Variants in THSD4 observed in about 807,000 individuals in gnomAD.
THSD4 encodes thrombospondin type 1 domain containing 4.
Under a neutral mutation model 119.0 loss-of-function variants are expected in THSD4, and 69 were observed. The observed-to-expected ratio is 0.58, with a 90% CI of 0.48 to 0.71. The LOEUF is 0.71. Among genes scored for constraint, THSD4 ranks in the 30% least tolerant of loss-of-function variants. The pLI is 0.00. For missense variants in THSD4, 1,393 were observed against 1,391.1 expected (o/e 1.00, Z -0.02); for synonymous variants, 524 against 540.4 (o/e 0.97, Z 0.42).
At chr15:71,346,908 C>G (rs1275674835) in intron 6 of THSD4, among the ~76,000 whole-genome samples, 1 of 112,102 alleles carries the variant, frequency 8.9e-6, no homozygotes, top group African/African-American at 3.5e-5. Flanking sequence ...GAGTCTCACT[C>G]TGTTGCCCAG....
chr15:71,353,632 C>G (rs1046481076), intron 6 of THSD4, among the ~76,000 whole-genome samples: 2 of 152,180 alleles, frequency 1.3e-5, no homozygotes, highest in Non-Finnish European at 2.9e-5. Flanking sequence ...CCATGTGCAG[C>G]TTTTCTAGAG....
At chr15:71,599,433 G>A (rs182211190) in intron 7 of THSD4, among the ~76,000 whole-genome samples, 1 of 152,218 alleles carries the variant, frequency 6.6e-6, no homozygotes, top group East Asian at 1.9e-4. Context: ...GCCAGGCCCT[G>A]TTCATCCACA....
At chr15:71,666,709 G>A (rs956252683) in intron 8 of THSD4, among the ~76,000 whole-genome samples, 13 of 152,224 alleles carry the variant, frequency 8.5e-5, no homozygotes, top group Non-Finnish European at 1.9e-4. Context: ...GTTAAGATAT[G>A]AAAATTAAAA....
chr15:71,496,100 T>C (rs1210675779), intron 7 of THSD4, among the ~76,000 whole-genome samples: 3 of 152,230 alleles, frequency 2.0e-5, no homozygotes, highest in Admixed American at 2.0e-4. Flanking sequence ...GTTTCTTAAG[T>C]TACAGATCAG....
At chr15:71,325,880 C>G (rs2045330433) in intron 6 of THSD4, among the ~76,000 whole-genome samples, 1 of 152,152 alleles carries the variant, frequency 6.6e-6, no homozygotes, top group Non-Finnish European at 1.5e-5. Flanking sequence ...AACATCAAAA[C>G]CAGAACCAAA....
chr15:71,559,426 T>G (rs1237167364), intron 7 of THSD4, among the ~76,000 whole-genome samples: 6 of 152,204 alleles, frequency 3.9e-5, no homozygotes, highest in Non-Finnish European at 8.8e-5. Context: ...TATCCTTTCT[T>G]GTTTTATAGT....
At chr15:71,312,960 C>T (rs531915810) in intron 6 of THSD4, among the ~76,000 whole-genome samples, 1 of 152,282 alleles carries the variant, frequency 6.6e-6, no homozygotes, top group African/African-American at 2.4e-5. Flanking sequence ...GAAAGCTCTG[C>T]GAGAGCAGGG....
intron 8 of THSD4, among the ~76,000 whole-genome samples, chr15:71,675,425 C>T: frequency 6.6e-6 from 1 of 152,214 alleles, no homozygotes; most frequent in East Asian, 1.9e-4. Flanking sequence ...TGAAGACAAA[C>T]AGGCCAGCCT....
chr15:71,599,874 C>G lies in THSD4; in HGVS notation c.1153-60656C>G, dbSNP rs540170620. 2.0e-5 allele frequency among the ~76,000 whole-genome samples: 3 copies of G among 152,298 alleles called. No homozygotes were observed. In the South Asian group the frequency reaches 6.2e-4, roughly 32 times the overall value. On this transcript the variant is annotated intron_variant, in intron 7 of 17. Transcript: ENST00000261862. ...CCCAATGTCTTCCCCACAATGCCCC[C>G]CAGTATGGGAAGCTCCTTTCCAGCT...
Position 71,215,244 on chromosome 15 carries a change from C to A in THSD4, c.309C>A (p.His103Gln), listed in dbSNP as rs762410141. 8.2e-6 allele frequency: 12 copies of A among 1,468,572 alleles called. No individual in the cohort carries two copies. In the East Asian group the frequency reaches 3.2e-4, roughly 40 times the overall value. 91.0% of individuals were successfully genotyped at this position (1,468,572 alleles called of 1,614,324 possible). The change falls in exon 4 of 18, where the codon CAC becomes CAA. Residue 103 changes from histidine (H) to glutamine (Q), a missense_variant. By Grantham distance (24) the His-to-Gln change is conservative. Transcript: ENST00000261862. ...CCCCTGCGCGCGCCTTCGCGGACCACGTGGTGTCGGCGGTGCGCACGTCGG... is the reference window on the plus strand; with the variant it reads ...CCCCTGCGCGCGCCTTCGCGGACCAAGTGGTGTCGGCGGTGCGCACGTCGG... ...PGAPARAFAD[H>Q]VVSAVRTSVP... is the part of the protein sequence containing the mutation.
At position 71,646,960 on chromosome 15, in the gene THSD4, C is replaced by A. The variant is rs369556231; in HGVS notation, c.1153-13570C>A. 1.2e-4 allele frequency among the ~76,000 whole-genome samples: 19 copies of A among 152,290 alleles called. No individual in the cohort carries two copies. The East Asian group carries it at 3.7e-3, about 29-fold the overall frequency. ...GAGGCCTTTTGAGCCAGAAGAATGA[C>A]ATGATGATAGCTGTGTCTTTGGAAG... On this transcript the variant is annotated intron_variant, in intron 7 of 17. Coordinates refer to ENST00000261862, the MANE Select transcript of THSD4 (RefSeq NM_024817.3).
chr15:71,396,168 G>A (rs1003814618), intron 6 of THSD4, among the ~76,000 whole-genome samples: 1 of 151,924 alleles, frequency 6.6e-6, no homozygotes, highest in African/African-American at 2.4e-5. Flanking sequence ...GTAGACACAT[G>A]TATATACATA....
intron 5 of THSD4, among the ~76,000 whole-genome samples, chr15:71,249,757 AT>A (rs1484060413): frequency 6.6e-6 from 1 of 152,202 alleles, no homozygotes; most frequent in Non-Finnish European, 1.5e-5. Flanking sequence ...ACAGCCAGTG[AT>A]TTTTAACTTG....
At chr15:71,639,608 A>G (rs2050814837) in intron 7 of THSD4, among the ~76,000 whole-genome samples, 1 of 152,236 alleles carries the variant, frequency 6.6e-6, no homozygotes, top group Non-Finnish European at 1.5e-5. Flanking sequence ...TTCTTTGCTC[A>G]AGGGCCTTTA....
At chr15:71,590,041 A>C (rs1342155643) in intron 7 of THSD4, among the ~76,000 whole-genome samples, 1 of 139,696 alleles carries the variant, frequency 7.2e-6, no homozygotes, top group Admixed American at 7.2e-5. Context: ...TATCAGTAGG[A>C]ATATAAATAT....
At chr15:71,350,465 C>T (rs61032026) in intron 6 of THSD4, among the ~76,000 whole-genome samples, 1,594 of 152,096 alleles carry the variant, frequency 0.01, 28 homozygotes, top group African/African-American at 0.037. Context: ...CTGGGGCTGC[C>T]AGTGACCGCT....
intron 7 of THSD4, among the ~76,000 whole-genome samples, chr15:71,597,151 G>A (rs746936260): frequency 6.6e-6 from 1 of 152,122 alleles, no homozygotes; most frequent in Non-Finnish European, 1.5e-5. Context: ...TGACCATTTA[G>A]ATTATTTCTA....
chr15:71,152,533 C>CCT (rs2040733420), intron 2 of THSD4, among the ~76,000 whole-genome samples: 1 of 152,204 alleles, frequency 6.6e-6, no homozygotes, highest in East Asian at 1.9e-4. Context: ...CCTGTTGTAG[C>CCT]CTCAGACCCC....
chr15:71,169,206 C>A (rs1482915749), intron 3 of THSD4, among the ~76,000 whole-genome samples: 1 of 152,192 alleles, frequency 6.6e-6, no homozygotes, highest in Non-Finnish European at 1.5e-5. Flanking sequence ...CAATCAAAAT[C>A]ATTAGTCCTT....
Sources: allele counts gnomAD v4.1 joint callset (sites outside exome capture counted in the v4.1 genomes callset), GRCh38; gene constraint gnomAD v4.1.1; transcripts MANE v1.5; gene names NCBI Gene and HGNC (gene_info 2026-07-23, HGNC 2026-07-21).